The following HIVEP1 variants were observed in gnomAD, a reference collection of about 807,000 sequenced individuals.
HIVEP1 encodes the protein zinc finger protein 40.
Under a neutral mutation model 180.0 loss-of-function variants are expected in HIVEP1, and 36 were observed. The observed-to-expected ratio is 0.20, with a 90% CI of 0.15 to 0.26. The LOEUF (loss-of-function observed/expected upper bound fraction) is 0.26. Ranked by LOEUF, HIVEP1 falls within the 10% of genes least tolerant of loss-of-function variation. The probability of loss-of-function intolerance (pLI) is 1.00; values close to 1 mark genes in which losing one functional copy is unlikely to be tolerated. For synonymous variants in HIVEP1, 1,239 were observed against 1,239.0 expected, an observed-to-expected ratio of 1.00 and a Z score of 0.00; for missense variants, 3,143 against 3,268.7, an observed-to-expected ratio of 0.96 and a Z score of 0.94.
chr6:12,115,350 C>CTTTTTTTTTTTTTTTTTTT (rs34074662), intron 3 of HIVEP1, among the ~76,000 whole-genome samples: 1 of 75,292 alleles, frequency 1.3e-5, no homozygotes, highest in African/African-American at 5.4e-5. Context: ...CCCAACTATT[C>CTTTTTTTTTTTTTTTTTTT]TTTTTTTTTT....
chr6:12,204,771 C>T, the HIVEP1 span, among the ~76,000 whole-genome samples: 1 of 152,326 alleles, frequency 6.6e-6, no homozygotes, highest in African/African-American at 2.4e-5. Context: ...TGTCCAATTA[C>T]TTGCATTACC....
upstream of HIVEP1, among the ~76,000 whole-genome samples, chr6:12,010,849 C>T (rs1230523974): frequency 2.0e-5 from 3 of 152,192 alleles, no homozygotes; most frequent in Non-Finnish European, 4.4e-5. Context: ...GGGGTCACAC[C>T]TTGGTTCATG....
rs1034782471 is a variant in HIVEP1 at position 12,083,366 on chromosome 6, G to C, written c.41-5818G>C. Among the ~76,000 whole-genome samples, 4 of 152,218 alleles carry C rather than the reference G, an allele frequency of 2.6e-5. No homozygotes were observed. In the South Asian group the frequency reaches 6.2e-4, roughly 24 times the overall value. ...GTTTTGTATATAGAATTCCTGCCAAGTTATTATTAACAAAAATGCTGGAGT... is the reference window on the plus strand; with the variant it reads ...GTTTTGTATATAGAATTCCTGCCAACTTATTATTAACAAAAATGCTGGAGT... On this transcript the variant is annotated intron_variant, in intron 2 of 8. Coordinates refer to ENST00000379388, the MANE Select transcript of HIVEP1 (RefSeq NM_002114.4).
chr6:12,083,420 A>T (rs531339854), intron 2 of HIVEP1, among the ~76,000 whole-genome samples: 50 of 152,292 alleles, frequency 3.3e-4, no homozygotes, highest in Admixed American at 3.1e-3. Flanking sequence ...CATTTATTAG[A>T]CAACTGTGTG....
chr6:12,139,353 C>G lies in HIVEP1; in HGVS notation c.6487+3461C>G, dbSNP rs1289785647. 2.0e-5 allele frequency among the ~76,000 whole-genome samples: 3 copies of G among 152,136 alleles called. No homozygotes were observed. The East Asian group carries it at 5.8e-4, about 29-fold the overall frequency. The stretch of plus-strand genomic sequence containing the variant: ...TCCTTTCCTCTGTTAAGAATGCCCT[C>G]TAGGAGGATTCCATTCCAAGATGGC... On this transcript the variant is annotated intron_variant, in intron 7 of 8. Transcript: ENST00000379388.
At position 12,123,755 on chromosome 6, in the gene HIVEP1, C is replaced by A; in HGVS notation, c.3960C>A (p.Ala1320=). ...SSLSHTSSFS[A]SLDIEDVSKT... is the part of the protein sequence containing the mutation. Reference sequence around the variant, plus strand: ...TATCTCACACTTCAAGTTTCTCAGCCTCTTTAGACATAGAGGACGTTTCTA... The same window carrying A: ...TATCTCACACTTCAAGTTTCTCAGCATCTTTAGACATAGAGGACGTTTCTA... The change falls in exon 4 of 9, where the codon GCC becomes GCA. Residue 1320 remains alanine (A), a synonymous_variant. Coordinates refer to ENST00000379388, the MANE Select transcript of HIVEP1 (RefSeq NM_002114.4). 6.2e-7 allele frequency: 1 copy of A among 1,614,160 alleles called. No individual in the cohort carries two copies. The highest frequency in any genetic ancestry group is 8.5e-7 in the Non-Finnish European group (1 of 1,180,010).
chr6:12,143,223 G>A (rs531534761), intron 7 of HIVEP1, among the ~76,000 whole-genome samples: 6 of 152,254 alleles, frequency 3.9e-5, no homozygotes, highest in South Asian at 2.1e-4. Flanking sequence ...ATGCAAGGCT[G>A]GTTCAACATA....
the HIVEP1 span, among the ~76,000 whole-genome samples, chr6:12,199,701 C>T: frequency 1.1e-4 from 16 of 152,138 alleles, no homozygotes; most frequent in Non-Finnish European, 1.3e-4. Context: ...TAGTATGAGA[C>T]AATTTGAGTG....
At chr6:12,206,047 T>A in the HIVEP1 span, among the ~76,000 whole-genome samples, 2 of 152,226 alleles carry the variant, frequency 1.3e-5, no homozygotes, top group Non-Finnish European at 2.9e-5. Flanking sequence ...GACAGGGAAA[T>A]GTAATCAAGT....
Position 12,122,927 on chromosome 6 carries a change from G to A in HIVEP1, c.3132G>A (p.Gln1044=). 6.2e-7 allele frequency: 1 copy of A among 1,613,916 alleles called. No homozygotes were observed. The highest frequency in any genetic ancestry group is 8.5e-7 in the Non-Finnish European group (1 of 1,179,956). Residue 1044 remains glutamine (Q), a synonymous_variant, in exon 4 of 9, where the codon CAG becomes CAA. Transcript: ENST00000379388. ...MKSVGDDEEL[Q]QNESGTSPKS... ...GTGTTGGGGATGATGAAGAACTTCA[G>A]CAAAATGAAAGTGGAACATCTCCAA...
rs1016600540 is a variant in HIVEP1 at position 12,122,798 on chromosome 6, T to C, written c.3003T>C (p.Pro1001=). ...CCATGAGAGAACCTGAGCACAGCCC[T>C]GTGCCCGGCGGTCTGCAGCCTCAGA... is the stretch of plus-strand genomic sequence containing the variant. ...KVAMREPEHS[P]VPGGLQPQIL... Residue 1001 remains proline (P), a synonymous_variant, in exon 4 of 9, where the codon CCT becomes CCC. Coordinates refer to ENST00000379388, the MANE Select transcript of HIVEP1 (RefSeq NM_002114.4). 1 of 1,613,588 alleles carries C rather than the reference T, an allele frequency of 6.2e-7. No homozygotes were observed.
intron 1 of HIVEP1, among the ~76,000 whole-genome samples, chr6:12,015,205 C>T (rs563657405): frequency 6.6e-6 from 1 of 152,364 alleles, no homozygotes; most frequent in South Asian, 2.1e-4. Context: ...GGCAGATTTA[C>T]TATACATGCC....
intron 2 of HIVEP1, among the ~76,000 whole-genome samples, chr6:12,064,037 C>T (rs1359182239): frequency 1.3e-5 from 2 of 152,194 alleles, no homozygotes; most frequent in Non-Finnish European, 2.9e-5. Flanking sequence ...ATTCCCTCTT[C>T]CTGGATTCTT....
At chr6:12,206,680 G>C in the HIVEP1 span, among the ~76,000 whole-genome samples, 6 of 152,132 alleles carry the variant, frequency 3.9e-5, no homozygotes, top group Admixed American at 1.3e-4. Context: ...AAGCCAACCA[G>C]TCTGTGGTGC....
intron 2 of HIVEP1, among the ~76,000 whole-genome samples, chr6:12,041,007 A>C (rs527910868): frequency 1.3e-5 from 2 of 152,204 alleles, no homozygotes; most frequent in African/African-American, 4.8e-5. Context: ...TGGGCATTAC[A>C]ATACAACATG....
At position 12,056,670 on chromosome 6, in the gene HIVEP1, A is replaced by G. The variant is rs1252027585; in HGVS notation, c.41-32514A>G. Reference sequence around the variant, plus strand: ...ATTTTATTACATTGTCCAGGACTCTAGTGAAGTATCAAATACTATCATTGG... The same window carrying G: ...ATTTTATTACATTGTCCAGGACTCTGGTGAAGTATCAAATACTATCATTGG... On this transcript the variant is annotated intron_variant, in intron 2 of 8. Transcript: ENST00000379388. Among the ~76,000 whole-genome samples, 6 of 152,306 alleles carry G rather than the reference A, an allele frequency of 3.9e-5. No individual in the cohort carries two copies. In the East Asian group the frequency reaches 9.6e-4, roughly 24 times the overall value.
At chr6:12,172,514 A>G in the HIVEP1 span, among the ~76,000 whole-genome samples, 1 of 152,214 alleles carries the variant, frequency 6.6e-6, no homozygotes, top group Non-Finnish European at 1.5e-5. Context: ...TTCCTGGCTC[A>G]AAGAGATATT....
chr6:12,203,357 C>T, the HIVEP1 span, among the ~76,000 whole-genome samples: 1 of 152,250 alleles, frequency 6.6e-6, no homozygotes, highest in Non-Finnish European at 1.5e-5. Flanking sequence ...TACCCATTAA[C>T]ACTGGCTCTG....
At chr6:12,133,103 A>G (rs1352857936) in intron 6 of HIVEP1, among the ~76,000 whole-genome samples, 3 of 152,230 alleles carry the variant, frequency 2.0e-5, no homozygotes, top group African/African-American at 7.2e-5. Flanking sequence ...AAAGACAGCA[A>G]AACGCTCTCA....
Sources: gnomAD v4.1 joint callset for allele counts (sites outside exome capture counted in the v4.1 genomes callset) on GRCh38, gnomAD v4.1.1 for gene constraint, MANE v1.5 for transcripts, NCBI Gene and HGNC (gene_info 2026-07-23, HGNC 2026-07-21) for gene names.